Variants in FSCN2 observed in about 807,000 individuals in gnomAD.
FSCN2 encodes fascin actin-bundling protein 2, retinal, also known as fascin-2.
In FSCN2, 46 loss-of-function variants were observed where a neutral mutation model predicts 37.8. The observed-to-expected ratio is 1.22, with a 90% confidence interval of 0.96 to 1.56. FSCN2 has a LOEUF of 1.56. FSCN2 is among the 40% of genes most tolerant of loss of function. The pLI is 0.00. For synonymous variants in FSCN2, 351 were observed against 309.4 expected (o/e 1.13, Z -1.41); for missense variants, 844 against 730.4 (o/e 1.16, Z -1.79).
At chr17:81,519,176 A>G in the FSCN2 span, 1 of 152,326 alleles carries the variant, frequency 6.6e-6, no homozygotes, top group Non-Finnish European at 1.5e-5. Context: ...GCGGCGGTCC[A>G]GCCCGGCTGC....
rs1365608825 is a variant in FSCN2 at position 81,528,852 on chromosome 17, C to T, written c.321C>T (p.His107=). The T allele has an allele frequency of 5.1e-6, 8 of 1,556,740 alleles. No homozygotes were observed. The highest frequency in any genetic ancestry group is 4.8e-5 in the East Asian group (2 of 41,650). ...DGRWVLRSEP[H]GRFFGGTEDQ... ...GCTGGGTGCTGCGGTCCGAGCCGCA[C>T]GGCCGCTTCTTCGGAGGCACCGAGG... Residue 107 remains histidine, a synonymous_variant, in exon 1 of 5, where the codon CAC becomes CAT. Transcript: ENST00000417245.
At chr17:81,518,516 C>T in the FSCN2 span, among the ~76,000 whole-genome samples, 1 of 152,138 alleles carries the variant, frequency 6.6e-6, no homozygotes, top group Non-Finnish European at 1.5e-5. Context: ...TTCGCAGCTG[C>T]CTCCTATCTC....
chr17:81,525,105 G>A (rs78774407), upstream of FSCN2, among the ~76,000 whole-genome samples: 13,230 of 152,042 alleles, frequency 0.087, 1,694 homozygotes, highest in African/African-American at 0.28. Context: ...GGGTGACAGA[G>A]CAAAACCCTG....
chr17:81,531,256 TGATGATGGTGGTGATGGC>T (rs2032551449), intron 1 of FSCN2, among the ~76,000 whole-genome samples: 2 of 133,024 alleles, frequency 1.5e-5, no homozygotes, highest in Middle Eastern at 4.1e-3. Context: ...ATGGTGATGG[TGATGATGGTGGTGATGGC>T]GGTGGTGATG....
chr17:81,531,621 ATGGTGG>A (rs1207289115), intron 1 of FSCN2, among the ~76,000 whole-genome samples: 3 of 97,012 alleles, frequency 3.1e-5, no homozygotes, highest in South Asian at 4.0e-4. Context: ...GATGATGGTG[ATGGTGG>A]TGGTGATGGT....
chr17:81,532,114 CGATGATGGTGATGATAGTGATGGT>C (rs1568078687), intron 1 of FSCN2, among the ~76,000 whole-genome samples: 34 of 11,938 alleles, frequency 2.8e-3, no homozygotes, highest in Non-Finnish European at 3.6e-3. Flanking sequence ...ATAGTGATGG[CGATGATGGTGATGATAGTGATGGT>C]GATGATGGTG....
In FSCN2 at chr17:81,536,716, C is replaced by T; in HGVS notation, c.1200C>T (p.Asn400=). The T allele has an allele frequency of 1.2e-6, 2 of 1,611,402 alleles. No homozygotes were observed. The highest frequency in any genetic ancestry group is 2.2e-5 in the East Asian group (1 of 44,876). ...TCGTCTGCCACCACCGCGGCTCCAA[C>T]CAGCTGGACACCAACCGCTCCGTCT... ...DGFVCHHRGS[N]QLDTNRSVYD... is the part of the protein sequence containing the mutation. The change falls in exon 4 of 5, where the codon AAC becomes AAT. Residue 400 remains asparagine (N), a synonymous_variant. Transcript: ENST00000417245.
At position 81,529,131 on chromosome 17, in the gene FSCN2, G is replaced by A. The variant is rs1018010927; in HGVS notation, c.600G>A (p.Leu200=). The A allele has an allele frequency of 5.1e-6, 8 of 1,584,068 alleles. No individual in the cohort carries two copies. The African/African-American group carries it at 1.1e-4, about 21-fold the overall frequency. The change falls in exon 1 of 5, where the codon CTG becomes CTA. Residue 200 remains leucine, a synonymous_variant. Coordinates refer to ENST00000417245, the MANE Select transcript of FSCN2 (RefSeq NM_012418.4). ...GCTACCTGCGCAGCGACGGCCGTCT[G>A]GTCTGGGAGCCTGAGCCCCGTGCCT... ...DSRYLRSDGR[L]VWEPEPRACY...
chr17:81,519,761 G>C, the FSCN2 span, among the ~76,000 whole-genome samples: 117 of 152,296 alleles, frequency 7.7e-4, no homozygotes, highest in African/African-American at 2.8e-3. Context: ...GGATGAGGGG[G>C]TGGCCCGGGC....
At position 81,529,065 on chromosome 17, in the gene FSCN2, C is replaced by T. The variant is rs1555670736; in HGVS notation, c.534C>T (p.Ile178=). The change falls in exon 1 of 5, where the codon ATC becomes ATT. Residue 178 remains isoleucine, a synonymous_variant. Transcript: ENST00000417245. ...GCGTGGACGCCCTCCTCACCCTCAT[C>T]TTCCGGAGCCGACGGTACTGCCTCA... The part of the protein sequence containing the change: ...PWGVDALLTL[I]FRSRRYCLKS... 4 of 1,591,650 alleles carry T rather than the reference C, an allele frequency of 2.5e-6. No homozygotes were observed. The highest frequency in any genetic ancestry group is 1.1e-5 in the South Asian group (1 of 88,020).
the FSCN2 span, among the ~76,000 whole-genome samples, chr17:81,515,933 C>T: frequency 6.6e-6 from 1 of 152,290 alleles, no homozygotes; most frequent in African/African-American, 2.4e-5. Context: ...CAACCTCTGT[C>T]TCCGGGGTTC....
Position 81,536,795 on chromosome 17 carries a change from T to G in FSCN2, c.1273+6T>G. The G allele has an allele frequency of 6.6e-7, 1 of 1,514,898 alleles. No homozygotes were observed. The highest frequency in any genetic ancestry group is 9.0e-7 in the Non-Finnish European group (1 of 1,114,348). The allele number at this position is 1,514,898 out of a possible 1,614,324, so 93.8% of individuals were successfully genotyped here. A position where few individuals can be genotyped will look rare whatever the true frequency, so the allele number is the denominator to read the frequency against. ...CGGCGCCTACCGGATCCGAGGTGCG[T>G]GGCGGGGCGGGTGGGCACGCGGGAG... On this transcript the variant is annotated splice_donor_region_variant and intron_variant, in intron 4 of 4. Coordinates refer to ENST00000417245, the MANE Select transcript of FSCN2 (RefSeq NM_012418.4).
At chr17:81,526,615 C>G (rs1201438379), upstream of FSCN2, among the ~76,000 whole-genome samples, 1 of 152,184 alleles carries the variant, frequency 6.6e-6, no homozygotes, top group Admixed American at 6.5e-5. Context: ...GGAGCGAGAC[C>G]CTATTTCAAG....
chr17:81,536,188 G>A lies in FSCN2; in HGVS notation c.1026G>A (p.Arg342=). ...TMFEMEWRGR[R]VALKASNGRY... ...TTGAGATGGAGTGGCGTGGCCGGCG[G>A]GTAGCACTCAAAGCCAGCAACGGGC... The change falls in exon 3 of 5, where the codon CGG becomes CGA. Residue 342 remains arginine, a synonymous_variant. Coordinates refer to ENST00000417245, the MANE Select transcript of FSCN2 (RefSeq NM_012418.4). 6.2e-7 allele frequency: 1 copy of A among 1,601,944 alleles called. No homozygotes were observed. The highest frequency in any genetic ancestry group is 2.3e-5 in the East Asian group (1 of 44,434).
Position 81,536,327 on chromosome 17 carries a change from T to TA in FSCN2, c.1105+60_1105+61insA, listed in dbSNP as rs962013436. The stretch of plus-strand genomic sequence containing the variant: ...GCTGTCTCCACCCAGGGAAAGGACC[T>TA]GCCCAGACACCCCATCTCCACCAAG... On this transcript the variant is annotated intron_variant, in intron 3 of 4. Coordinates refer to ENST00000417245, the MANE Select transcript of FSCN2 (RefSeq NM_012418.4). 64 of 1,547,790 alleles carry TA rather than the reference T, an allele frequency of 4.1e-5. No individual in the cohort carries two copies. In the African/African-American group the frequency reaches 8.0e-4, roughly 19 times the overall value.
At chr17:81,523,046 C>T in the FSCN2 span, among the ~76,000 whole-genome samples, 1 of 152,206 alleles carries the variant, frequency 6.6e-6, no homozygotes, top group South Asian at 2.1e-4. Context: ...GGCCTAGAGC[C>T]CTCTTCCTCC....
chr17:81,515,264 C>G, the FSCN2 span, among the ~76,000 whole-genome samples: 1 of 151,998 alleles, frequency 6.6e-6, no homozygotes, highest in Non-Finnish European at 1.5e-5. Context: ...AAGCCAGTGG[C>G]GCAGGGCAGC....
the FSCN2 span, among the ~76,000 whole-genome samples, chr17:81,515,246 G>C: frequency 1.6e-4 from 25 of 152,190 alleles, no homozygotes; most frequent in Non-Finnish European, 3.5e-4. Flanking sequence ...TCCTGGATAT[G>C]CTCTGGGAAG....
intron 1 of FSCN2, among the ~76,000 whole-genome samples, chr17:81,532,130 AGTGATG>A (rs1174598255): frequency 0.015 from 331 of 21,992 alleles, 2 homozygotes; most frequent in African/African-American, 0.058. Flanking sequence ...TGGTGATGAT[AGTGATG>A]GTGATGATGG....
Sources: gnomAD v4.1 joint callset for allele counts (sites outside exome capture counted in the v4.1 genomes callset) on GRCh38, gnomAD v4.1.1 for gene constraint, MANE v1.5 for transcripts, NCBI Gene and HGNC (gene_info 2026-07-23, HGNC 2026-07-21) for gene names.